The following GSR variants were observed in gnomAD, a reference collection of about 807,000 sequenced individuals.
GSR encodes the protein glutathione reductase, mitochondrial.
GSR carries 48 observed loss-of-function variants against 56.5 expected under a neutral mutation model. The observed-to-expected ratio is 0.85, with a 90% CI of 0.67 to 1.08. GSR has a LOEUF of 1.08. Among genes scored for constraint, GSR ranks in the 50% least tolerant of loss-of-function variants. The probability of loss-of-function intolerance (pLI) is 0.00; values close to 1 mark genes in which losing one functional copy is unlikely to be tolerated. For missense variants in GSR, 694 were observed against 703.3 expected (o/e 0.99, Z 0.15); for synonymous variants, 264 against 270.8 (o/e 0.97, Z 0.25).
At position 30,703,215 on chromosome 8, in the gene GSR, T is replaced by C. The variant is rs973309469; in HGVS notation, c.518A>G (p.His173Arg). Reference sequence around the variant, plus strand: ...CTTGGGATCACTCGTGAAGGCTGCATGGCCACGGATGATTTCTATATGGGA... The same window carrying C: ...CTTGGGATCACTCGTGAAGGCTGCACGGCCACGGATGATTTCTATATGGGA... ...TKSHIEIIRG[H>R]AAFTSDPKPT... Residue 173 changes from histidine (H) to arginine (R), a missense_variant, in exon 5 of 13, where the codon CAT becomes CGT. By Grantham distance (29) the His-to-Arg change is conservative (BLOSUM62 0). Transcript: ENST00000221130. 1.2e-6 allele frequency: 2 copies of C among 1,614,120 alleles called. No homozygotes were observed. Among genetic ancestry groups the C allele is most frequent in the Non-Finnish European group, 1.7e-6 (2 of 1,179,978 alleles).
At chr8:30,716,945 T>C (rs750636099) in intron 1 of GSR, among the ~76,000 whole-genome samples, 16 of 151,324 alleles carry the variant, frequency 1.1e-4, no homozygotes, top group Non-Finnish European at 1.9e-4. Flanking sequence ...TTCTTACAAA[T>C]TAGAGACGGA....
At chr8:30,685,415 C>A (rs1803128466) in intron 9 of GSR, among the ~76,000 whole-genome samples, 1 of 152,066 alleles carries the variant, frequency 6.6e-6, no homozygotes, top group Admixed American at 6.6e-5. Context: ...ATGAAGCTTA[C>A]CATTTTGTCT....
chr8:30,713,576 C>T (rs1203589762), intron 1 of GSR, among the ~76,000 whole-genome samples: 1 of 152,038 alleles, frequency 6.6e-6, no homozygotes, highest in African/African-American at 2.4e-5. Context: ...CCAGGCTGGT[C>T]TCGAACTCAT....
At chr8:30,700,723 CAAAAAAAAAAAAAAAAA>C (rs55702917) in intron 5 of GSR, among the ~76,000 whole-genome samples, 2 of 80,044 alleles carry the variant, frequency 2.5e-5, no homozygotes, top group South Asian at 5.1e-4. Context: ...ATTTTGTCTC[CAAAAAAAAAAAAAAAAA>C]AAAAAAAAAA....
chr8:30,684,097 G>C lies in GSR; in HGVS notation c.1144C>G (p.Leu382Val). Residue 382 changes from leucine (L) to valine (V), a missense_variant, in exon 10 of 13, where the codon CTT (leucine) becomes GTT (valine). Leu to Val is a conservative substitution (Grantham distance 32). Transcript: ENST00000221130. ...AGGGAAGAGACCTTACCTGGAGTAA[G>C]AAGAGCTTTTCCACATACATCCCCA... ...AVGDVCGKAL[L>V]TPVAIAAGRK... 6.4e-7 allele frequency: 1 copy of C among 1,551,692 alleles called. No homozygotes were observed. Among genetic ancestry groups the C allele is most frequent in the South Asian group, 1.1e-5 (1 of 89,820 alleles).
intron 3 of GSR, among the ~76,000 whole-genome samples, chr8:30,709,012 T>G (rs1804017788): frequency 6.7e-6 from 1 of 149,090 alleles, no homozygotes. Flanking sequence ...AACAAATGAA[T>G]GGATAAACAA....
chr8:30,687,038 C>T (rs1563527994), intron 9 of GSR, among the ~76,000 whole-genome samples: 2 of 151,646 alleles, frequency 1.3e-5, no homozygotes, highest in African/African-American at 2.4e-5. Flanking sequence ...CATTTCACCA[C>T]GTTGCCCAGG....
chr8:30,698,660 ACT>A, intron 6 of GSR, among the ~76,000 whole-genome samples: 1 of 152,192 alleles, frequency 6.6e-6, no homozygotes. Flanking sequence ...ACTGTCCATG[ACT>A]CTGGGTGAAT....
At position 30,703,116 on chromosome 8, in the gene GSR, G is replaced by A. The variant is rs2128744367; in HGVS notation, c.617C>T (p.Thr206Ile). 6.2e-7 allele frequency: 1 copy of A among 1,614,136 alleles called. No homozygotes were observed. The highest frequency in any genetic ancestry group is 1.1e-5 in the South Asian group (1 of 91,084). ...ILIATGGMPS[T>I]PHESQIPGAS... Reference sequence around the variant, plus strand: ...ACCGGGGATCTGGCTCTCATGAGGGGTGGAGGGCATACCACCTGTGGCGAT... The same window carrying A: ...ACCGGGGATCTGGCTCTCATGAGGGATGGAGGGCATACCACCTGTGGCGAT... Residue 206 changes from threonine to isoleucine, a missense_variant, in exon 5 of 13, where the codon ACC (threonine) becomes ATC (isoleucine). Coordinates refer to ENST00000221130, the MANE Select transcript of GSR (RefSeq NM_000637.5).
chr8:30,712,327 C>A (rs1389229184), intron 1 of GSR, among the ~76,000 whole-genome samples: 1 of 152,076 alleles, frequency 6.6e-6, no homozygotes, highest in Non-Finnish European at 1.5e-5. Context: ...GAACAATCAG[C>A]CCATTTGAGC....
At chr8:30,724,151 T>C (rs1804647611) in intron 1 of GSR, among the ~76,000 whole-genome samples, 1 of 152,118 alleles carries the variant, frequency 6.6e-6, no homozygotes, top group Admixed American at 6.5e-5. Context: ...GCAGGAGGAT[T>C]GCTTGAGTCC....
chr8:30,699,268 G>A (rs1437738921), intron 6 of GSR, among the ~76,000 whole-genome samples: 3 of 151,996 alleles, frequency 2.0e-5, no homozygotes, highest in East Asian at 2.0e-4. Context: ...TCCTGCCTGG[G>A]CGATGGAAGA....
At chr8:30,685,985 C>CA (rs71206274) in intron 9 of GSR, among the ~76,000 whole-genome samples, 718 of 37,228 alleles carry the variant, frequency 0.019, 128 homozygotes, top group African/African-American at 0.057. Flanking sequence ...GACTCTGCCT[C>CA]AAAAAAAAAA....
At chr8:30,700,421 C>T (rs1237290813) in intron 5 of GSR, among the ~76,000 whole-genome samples, 1 of 151,932 alleles carries the variant, frequency 6.6e-6, no homozygotes, top group Non-Finnish European at 1.5e-5. Context: ...ATCTGTTCAC[C>T]CTCCCACCCC....
intron 8 of GSR, among the ~76,000 whole-genome samples, chr8:30,689,639 G>C (rs370293707): frequency 1.3e-5 from 2 of 151,352 alleles, no homozygotes; most frequent in Admixed American, 6.6e-5. Context: ...CATTTTAAGT[G>C]GTAAACCTAA....
At chr8:30,700,165 C>G (rs199957672) in intron 5 of GSR, 30 bp from the exon 6 acceptor site, 2 of 1,476,268 alleles carry the variant, frequency 1.4e-6, no homozygotes, top group African/African-American at 1.4e-5. Context: ...ATAGATCACA[C>G]AAGACTGCTC....
chr8:30,684,460 T>C (rs1027555410), intron 9 of GSR, among the ~76,000 whole-genome samples: 2 of 152,106 alleles, frequency 1.3e-5, no homozygotes, highest in Non-Finnish European at 2.9e-5. Context: ...GAGATCAGCT[T>C]GGGCAACACA....
In GSR at chr8:30,678,767, A is replaced by G. The variant is rs1193939529; in HGVS notation, c.*753T>C. Reference sequence around the variant, plus strand: ...GTCTCATCCTTGAAGCAGCTTTGTTATATGCAGAGCACAGTACTGGCTTCA... The same window carrying G: ...GTCTCATCCTTGAAGCAGCTTTGTTGTATGCAGAGCACAGTACTGGCTTCA... On this transcript the variant is annotated 3_prime_UTR_variant, in exon 13 of 13. Coordinates refer to ENST00000221130, the MANE Select transcript of GSR (RefSeq NM_000637.5). The G allele has an allele frequency of 6.6e-6, 1 of 152,206 alleles. No homozygotes were observed. Among genetic ancestry groups the G allele is most frequent in the Non-Finnish European group, 1.5e-5 (1 of 68,042 alleles). The allele number at this position is 152,206 out of a possible 1,614,324, so 9.4% of individuals were successfully genotyped here. A position where few individuals can be genotyped will look rare whatever the true frequency, so the allele number is the denominator to read the frequency against.
Position 30,686,118 on chromosome 8 carries a change from C to T in GSR, c.1042-1919G>A, listed in dbSNP as rs75250374. On this transcript the variant is annotated intron_variant, in intron 9 of 12. Transcript: ENST00000221130. ...ACCTGTTTATCAACAAATATTTAAG[C>T]TTCTATTACAAATGAGACTTTGACT... is the stretch of plus-strand genomic sequence containing the variant. Among the ~76,000 whole-genome samples the T allele has an allele frequency of 5.8e-3, 875 of 150,490 alleles. 8 individuals carry two copies. Among genetic ancestry groups the T allele is most frequent in the African/African-American group, 0.021 (854 of 41,046 alleles).
Sources: allele counts gnomAD v4.1 joint callset (sites outside exome capture counted in the v4.1 genomes callset), GRCh38; gene constraint gnomAD v4.1.1; transcripts MANE v1.5; gene names NCBI Gene and HGNC (gene_info 2026-07-23, HGNC 2026-07-21).